Variants in ANKRD36 observed in about 807,000 individuals in gnomAD.
ANKRD36 encodes ankyrin repeat domain 36, also known as ankyrin repeat domain-containing protein 36A.
A neutral mutation model predicts 278.1 loss-of-function variants in ANKRD36; 179 were observed. The ratio of observed to expected loss-of-function variants is 0.64; its 90% confidence interval spans 0.57 to 0.73. The LOEUF is 0.73. Ranked by LOEUF, ANKRD36 falls within the 30% of genes least tolerant of loss-of-function variation. ANKRD36 has a pLI of 0.00. For synonymous variants in ANKRD36, 320 were observed against 641.1 expected (o/e 0.50, Z 7.57); for missense variants, 1,159 against 1,956.7 (o/e 0.59, Z 7.69).
intron 6 of ANKRD36, among the ~76,000 whole-genome samples, chr2:97,140,787 G>A (rs1483280874): frequency 1.3e-5 from 2 of 151,838 alleles, no homozygotes; most frequent in Non-Finnish European, 2.9e-5. Flanking sequence ...GAATGTGGAG[G>A]GCAAAGAATG....
intron 15 of ANKRD36, among the ~76,000 whole-genome samples, chr2:97,156,827 A>T (rs55884658): frequency 1.5e-5 from 2 of 137,546 alleles, no homozygotes; most frequent in South Asian, 2.3e-4. Context: ...ACTAGTTTAC[A>T]GTCCCACCAA....
intron 5 of ANKRD36, among the ~76,000 whole-genome samples, chr2:97,126,750 G>A (rs1202397661): frequency 1.1e-4 from 17 of 151,692 alleles, no homozygotes; most frequent in Non-Finnish European, 2.1e-4. Flanking sequence ...CCTAAGAGAA[G>A]CAACTTGTTT....
intron 34 of ANKRD36, among the ~76,000 whole-genome samples, chr2:97,189,919 G>T (rs1383339640): frequency 1.2e-5 from 1 of 84,074 alleles, no homozygotes; most frequent in Admixed American, 1.1e-4. Context: ...AGGAAACAAT[G>T]CTAGAATTGG....
At position 97,191,149 on chromosome 2, in the gene ANKRD36, C is replaced by A; in HGVS notation, c.2315C>A (p.Thr772Lys). 3 of 1,598,866 alleles carry A rather than the reference C, an allele frequency of 1.9e-6. No homozygotes were observed. Among genetic ancestry groups the A allele is most frequent in the Non-Finnish European group, 2.6e-6 (3 of 1,172,520 alleles). ...AAAGATTCTGTTTCGAACATAGCCA[C>A]AGAAATAAAGGATGGAGAAAAATCT... ...DEKDSVSNIA[T>K]EIKDGEKSGT... is the part of the protein sequence containing the mutation. The change falls in exon 36 of 76, where the codon ACA (threonine) becomes AAA (lysine). Residue 772 changes from threonine (T) to lysine (K), a missense_variant. By Grantham distance (78) the Thr-to-Lys change is moderately conservative (BLOSUM62 -1). Transcript: ENST00000420699.
At chr2:97,228,677 A>T (rs1388225300) in intron 67 of ANKRD36, among the ~76,000 whole-genome samples, 2 of 151,212 alleles carry the variant, frequency 1.3e-5, no homozygotes, top group African/African-American at 4.9e-5. Context: ...GCCTTCTGCT[A>T]GCTTTTGAAT....
intron 53 of ANKRD36, 34 bp from the exon 54 acceptor site, chr2:97,207,900 A>T (rs1243787353): frequency 6.5e-7 from 1 of 1,538,644 alleles, no homozygotes; most frequent in South Asian, 1.2e-5. Context: ...AACATACTTT[A>T]TTAATTTATT....
chr2:97,193,427 A>T (rs1202029101), intron 38 of ANKRD36, among the ~76,000 whole-genome samples: 20 of 132,816 alleles, frequency 1.5e-4, no homozygotes, highest in Non-Finnish European at 2.4e-4. Context: ...GAAAAGACAG[A>T]AAGCTTGTTG....
chr2:97,187,126 A>C, intron 30 of ANKRD36, 72 bp from the exon 31 acceptor site: 1 of 1,595,892 alleles, frequency 6.3e-7, no homozygotes. Flanking sequence ...GCTTGATGCT[A>C]ACACCGCATG....
Position 97,202,219 on chromosome 2 carries a change from C to G in ANKRD36, c.2875C>G (p.Pro959Ala). Residue 959 changes from proline to alanine, a missense_variant, in exon 47 of 76, where the codon CCA (proline) becomes GCA (alanine). Transcript: ENST00000420699. ...CTTTTCAGTGTCTTCTCAGAAACCA[C>G]CAGCCTTGAAGGTAATGAAACTCCC... ...ISRKVSSQKP[P>A]ALKGTSDEED... 1 of 1,594,482 alleles carries G rather than the reference C, an allele frequency of 6.3e-7. No homozygotes were observed. Among genetic ancestry groups the G allele is most frequent in the Non-Finnish European group, 8.5e-7 (1 of 1,176,502 alleles).
At chr2:97,160,083 A>G (rs1328494890) in intron 17 of ANKRD36, among the ~76,000 whole-genome samples, 3 of 152,206 alleles carry the variant, frequency 2.0e-5, no homozygotes, top group African/African-American at 7.2e-5. Context: ...ACGCCTAGCC[A>G]TTTCTGGTTA....
intron 26 of ANKRD36, among the ~76,000 whole-genome samples, 183 bp from the exon 27 acceptor site, chr2:97,183,276 G>A (rs545246315): frequency 3.3e-5 from 5 of 151,740 alleles, no homozygotes; most frequent in East Asian, 2.0e-4. Flanking sequence ...TTCTGGAAGC[G>A]TGTATTCCTG....
intron 74 of ANKRD36, 44 bp downstream of exon 74, chr2:97,249,689 AT>A: frequency 1.6e-4 from 1 of 6,424 alleles, no homozygotes; most frequent in Non-Finnish European, 2.2e-4. Context: ...AAGGAATTTT[AT>A]TTTTCCAGTA....
At chr2:97,235,297 G>A (rs2073378546) in intron 68 of ANKRD36, among the ~76,000 whole-genome samples, 1 of 151,034 alleles carries the variant, frequency 6.6e-6, no homozygotes, top group Non-Finnish European at 1.5e-5. Context: ...TTGCCATCCT[G>A]CCTTTGTCAG....
rs2064078993 is a variant in ANKRD36, at chr2:97,210,296, C to G, written c.3367+424C>G. On this transcript the variant is annotated intron_variant, in intron 56 of 75. Coordinates refer to ENST00000420699, the MANE Select transcript of ANKRD36 (RefSeq NM_001354587.1). ...CAGTGTAGGAGAACTAAGGAGACCC[C>G]TGGTGTAGCAACTATTTTCCTAAGG... Among the ~76,000 whole-genome samples the G allele has an allele frequency of 2.6e-5, 4 of 151,814 alleles. No individual in the cohort carries two copies. The South Asian group carries it at 8.4e-4, about 32-fold the overall frequency.
intron 15 of ANKRD36, among the ~76,000 whole-genome samples, chr2:97,157,291 A>G (rs1283470491): frequency 6.7e-6 from 1 of 150,256 alleles, no homozygotes; most frequent in Non-Finnish European, 1.5e-5. Context: ...GCTAACCAGT[A>G]TTATTAGGCA....
rs369352211 is a variant in ANKRD36, at chr2:97,202,222, G to A, written c.2878G>A (p.Ala960Thr). Residue 960 changes from alanine (A) to threonine (T), a missense_variant, in exon 47 of 76, where the codon GCC (alanine) becomes ACC (threonine). By Grantham distance (58) the Ala-to-Thr change is moderately conservative (BLOSUM62 0). Coordinates refer to ENST00000420699, the MANE Select transcript of ANKRD36 (RefSeq NM_001354587.1). ...SRKVSSQKPPALKGTSDEEDS... is the reference protein window; with the variant it reads ...SRKVSSQKPPTLKGTSDEEDS... ...TTCAGTGTCTTCTCAGAAACCACCA[G>A]CCTTGAAGGTAATGAAACTCCCATT... The A allele has an allele frequency of 3.3e-4, 530 of 1,609,358 alleles. 9 individuals carry two copies. In the South Asian group the frequency reaches 3.8e-3, roughly 12 times the overall value.
Position 97,185,485 on chromosome 2 carries a change from A to G in ANKRD36, c.2016A>G (p.Ile672Met), listed in dbSNP as rs2057211486. The G allele has an allele frequency of 1.2e-6, 2 of 1,610,996 alleles. No homozygotes were observed. Among genetic ancestry groups the G allele is most frequent in the Middle Eastern group, 3.3e-4 (2 of 6,066 alleles). Residue 672 changes from isoleucine (I) to methionine (M), a missense_variant, in exon 30 of 76, where the codon ATA (isoleucine) becomes ATG (methionine). Transcript: ENST00000420699. ...CTGCTTTGAATATAGCTACAGAAAT[A>G]AAGGATGGACTACAGTGTGGGACAG... ...TDSALNIATE[I>M]KDGLQCGTVS... is the part of the protein sequence containing the mutation.
intron 22 of ANKRD36, among the ~76,000 whole-genome samples, chr2:97,176,608 G>T: frequency 6.8e-6 from 1 of 147,254 alleles, no homozygotes; most frequent in African/African-American, 2.5e-5. Context: ...TTTAATTGGA[G>T]CATTTAGTCC....
rs748961144 is a variant in ANKRD36 at position 97,191,116 on chromosome 2, C to T, written c.2282C>T (p.Thr761Ile). 6.3e-7 allele frequency: 1 copy of T among 1,597,716 alleles called. No homozygotes were observed. The highest frequency in any genetic ancestry group is 1.1e-5 in the South Asian group (1 of 89,326). Residue 761 changes from threonine to isoleucine, a missense_variant, in exon 36 of 76, where the codon ACT (threonine) becomes ATT (isoleucine). By Grantham distance (89) the Thr-to-Ile change is moderately conservative (BLOSUM62 -1). Coordinates refer to ENST00000420699, the MANE Select transcript of ANKRD36 (RefSeq NM_001354587.1). ...SQKQPALKAT[T>I]DEKDSVSNIA... ...CTTTCAAATTCCATTCAGGCTACAA[C>T]TGATGAGAAAGATTCTGTTTCGAAC...
Sources: gnomAD v4.1 joint callset for allele counts (sites outside exome capture counted in the v4.1 genomes callset) on GRCh38, gnomAD v4.1.1 for gene constraint, MANE v1.5 for transcripts, NCBI Gene and HGNC (gene_info 2026-07-23, HGNC 2026-07-21) for gene names.